The following MTX2 variants were observed in gnomAD, a reference collection of about 807,000 sequenced individuals.
MTX2 encodes the protein metaxin 2, also known as metaxin-2.
In MTX2, 35 loss-of-function variants were observed where a neutral mutation model predicts 42.3. The ratio of observed to expected loss-of-function variants is 0.83; its 90% CI spans 0.63 to 1.10. MTX2 has a LOEUF of 1.10. Among genes scored for constraint, MTX2 ranks in the 50% least tolerant of loss-of-function variants. The pLI, the probability that MTX2 is intolerant of heterozygous loss-of-function variation, is 0.00. For missense variants in MTX2, 307 were observed against 304.1 expected (o/e 1.01, Z -0.07); for synonymous variants, 119 against 100.9 (o/e 1.18, Z -1.08).
chr2:176,296,980 A>G (rs911562757), intron 2 of MTX2, 73 bp downstream of exon 2: 1 of 1,378,334 alleles, frequency 7.3e-7, no homozygotes, highest in African/African-American at 1.4e-5. Flanking sequence ...TCAGTAATAC[A>G]ATTTACTGCA....
At chr2:176,275,932 C>A (rs920312450) in intron 1 of MTX2, among the ~76,000 whole-genome samples, 4 of 152,216 alleles carry the variant, frequency 2.6e-5, no homozygotes, top group Admixed American at 1.3e-4. Context: ...TTGCTTCCTT[C>A]ACGTTGCTTT....
rs150422710 is a variant in MTX2 at position 176,324,725 on chromosome 2, T to TA, written c.208+1262dup. ...CTATACTTAGTGTCATTTAGGTAGA[T>TA]ACCTATTTTCTTTTTATTAGATTGC... On this transcript the variant is annotated intron_variant, in intron 4 of 9. Transcript: ENST00000249442. 2.2e-3 allele frequency among the ~76,000 whole-genome samples: 331 copies of TA among 151,850 alleles called. 2 individuals carry two copies. The highest frequency in any genetic ancestry group is 7.8e-3 in the African/African-American group (322 of 41,520).
At chr2:176,281,214 G>A (rs1475886157) in intron 1 of MTX2, among the ~76,000 whole-genome samples, 1 of 152,134 alleles carries the variant, frequency 6.6e-6, no homozygotes, top group Non-Finnish European at 1.5e-5. Context: ...GGTTACTTAT[G>A]TATAGGGTGC....
chr2:176,308,382 G>T (rs1684208024), intron 3 of MTX2, among the ~76,000 whole-genome samples: 1 of 152,094 alleles, frequency 6.6e-6, no homozygotes, highest in Admixed American at 6.6e-5. Flanking sequence ...TTGTGTCTCT[G>T]CCAGGCTCTG....
intron 1 of MTX2, among the ~76,000 whole-genome samples, chr2:176,288,933 T>C (rs1402093257): frequency 6.6e-6 from 1 of 151,982 alleles, no homozygotes; most frequent in African/African-American, 2.4e-5. Context: ...GTCATAGCAC[T>C]TTCATACTTT....
chr2:176,281,667 A>G lies in MTX2; in HGVS notation c.40+11998A>G, dbSNP rs1249631369. Among the ~76,000 whole-genome samples the G allele has an allele frequency of 5.3e-5, 8 of 152,276 alleles. No homozygotes were observed. In the South Asian group the frequency reaches 1.5e-3, roughly 28 times the overall value. Reference sequence around the variant, plus strand: ...TTACTGTTGTGGACGTATTTAAGACATATACTTTGCCACAATAACCAAGGT... The same window carrying G: ...TTACTGTTGTGGACGTATTTAAGACGTATACTTTGCCACAATAACCAAGGT... On this transcript the variant is annotated intron_variant, in intron 1 of 9. Transcript: ENST00000249442.
intron 1 of MTX2, among the ~76,000 whole-genome samples, chr2:176,279,297 G>A (rs1017049456): frequency 1.3e-4 from 20 of 151,886 alleles, no homozygotes; most frequent in Non-Finnish European, 2.5e-4. Context: ...TTATTACCTG[G>A]TCAATTTAGA....
chr2:176,318,004 A>G (rs530917373), intron 3 of MTX2, among the ~76,000 whole-genome samples: 4 of 152,144 alleles, frequency 2.6e-5, no homozygotes, highest in Middle Eastern at 3.4e-3. Flanking sequence ...CTACTGTGCA[A>G]ACTCTTAGGT....
intron 3 of MTX2, among the ~76,000 whole-genome samples, chr2:176,312,811 C>T (rs1684346268): frequency 2.2e-5 from 3 of 137,650 alleles, no homozygotes; most frequent in South Asian, 2.2e-4. Flanking sequence ...TGCAGTGAGC[C>T]GAGATTGCAT....
intron 1 of MTX2, among the ~76,000 whole-genome samples, chr2:176,296,559 G>A (rs1412931722): frequency 6.6e-6 from 1 of 152,092 alleles, no homozygotes; most frequent in African/African-American, 2.4e-5. Context: ...TAAAGGAATT[G>A]TAGCATATGA....
intron 3 of MTX2, among the ~76,000 whole-genome samples, chr2:176,308,833 A>C (rs960771374): frequency 4.7e-4 from 71 of 152,104 alleles, no homozygotes; most frequent in Non-Finnish European, 7.4e-4. Flanking sequence ...TGATCTTTTT[A>C]AAAAACCAGT....
At chr2:176,336,348 T>C (rs1160777365) in intron 9 of MTX2, among the ~76,000 whole-genome samples, 1 of 152,158 alleles carries the variant, frequency 6.6e-6, no homozygotes, top group Admixed American at 6.6e-5. Context: ...GCCATCCTTA[T>C]GATTTTGTCT....
intron 5 of MTX2, among the ~76,000 whole-genome samples, chr2:176,327,853 A>G (rs911532976): frequency 5.3e-5 from 8 of 151,136 alleles, no homozygotes; most frequent in African/African-American, 1.9e-4. Context: ...CATTTTATGT[A>G]TCTCCTAGTA....
intron 3 of MTX2, among the ~76,000 whole-genome samples, chr2:176,298,793 T>G (rs560975857): frequency 8.7e-4 from 132 of 152,278 alleles, no homozygotes; most frequent in African/African-American, 3.0e-3. Context: ...AAAGACAGTT[T>G]GAAGGCACTG....
intron 6 of MTX2, 122 bp downstream of exon 6, chr2:176,328,507 A>G (rs923471634): frequency 4.9e-6 from 3 of 615,702 alleles, no homozygotes; most frequent in Non-Finnish European, 8.0e-6. Context: ...TCTAGAGTTG[A>G]GTTGGCTACC....
intron 1 of MTX2, among the ~76,000 whole-genome samples, chr2:176,292,783 A>G (rs1313295594): frequency 6.6e-6 from 1 of 152,146 alleles, no homozygotes; most frequent in Non-Finnish European, 1.5e-5. Context: ...AATTTATCCT[A>G]AAAGGTTATT....
intron 5 of MTX2, among the ~76,000 whole-genome samples, chr2:176,327,548 A>G (rs1684738129): frequency 1.3e-5 from 2 of 148,916 alleles, no homozygotes; most frequent in Admixed American, 1.4e-4. Flanking sequence ...GGAGATATAT[A>G]TATATCTCCA....
At chr2:176,288,860 T>G (rs1392755352) in intron 1 of MTX2, among the ~76,000 whole-genome samples, 1 of 151,972 alleles carries the variant, frequency 6.6e-6, no homozygotes, top group Non-Finnish European at 1.5e-5. Context: ...ATGGCCCTTC[T>G]CTTAATCCTC....
chr2:176,269,675 G>C lies in MTX2; in HGVS notation c.40+6G>C. On this transcript the variant is annotated splice_donor_region_variant and intron_variant, in intron 1 of 9. Transcript: ENST00000249442. ...CTTCGTCTCCCAGATTGCAGGTAGC[G>C]CGGCTGGCCGCAGACCCAGAAGGTG... The C allele has an allele frequency of 2.5e-6, 4 of 1,593,362 alleles. No individual in the cohort carries two copies. The highest frequency in any genetic ancestry group is 3.4e-6 in the Non-Finnish European group (4 of 1,173,020).
Sources: allele counts gnomAD v4.1 joint callset (sites outside exome capture counted in the v4.1 genomes callset), GRCh38; gene constraint gnomAD v4.1.1; transcripts MANE v1.5; gene names NCBI Gene and HGNC (gene_info 2026-07-23, HGNC 2026-07-21).